ZNF423: variants seen among roughly 807,000 people sequenced by gnomAD.
ZNF423 encodes the protein zinc finger protein 423.
Under a neutral mutation model 95.8 loss-of-function variants are expected in ZNF423, and 12 were observed. That is an observed-to-expected ratio of 0.13 (90% CI 0.08 to 0.20). The LOEUF (loss-of-function observed/expected upper bound fraction) is 0.20. Ranked by LOEUF, ZNF423 falls within the 10% of genes least tolerant of loss-of-function variation. The probability of loss-of-function intolerance (pLI) is 1.00; values close to 1 mark genes in which losing one functional copy is unlikely to be tolerated. For synonymous variants in ZNF423, 749 were observed against 711.9 expected (o/e 1.05, Z -0.83); for missense variants, 1,316 against 1,737.1 (o/e 0.76, Z 4.31).
chr16:49,610,352 A>C (rs1461929099), intron 5 of ZNF423, among the ~76,000 whole-genome samples: 1 of 152,188 alleles, frequency 6.6e-6, no homozygotes, highest in Non-Finnish European at 1.5e-5. Flanking sequence ...TGTCTGATGT[A>C]GTACTAAATA....
At chr16:49,738,866 G>C (rs1012305132) in intron 2 of ZNF423, among the ~76,000 whole-genome samples, 1 of 152,064 alleles carries the variant, frequency 6.6e-6, no homozygotes, top group Non-Finnish European at 1.5e-5. Context: ...CCACATTCTA[G>C]GCATATCCAG....
intron 3 of ZNF423, among the ~76,000 whole-genome samples, chr16:49,687,342 T>C (rs2031604085): frequency 6.6e-6 from 1 of 152,110 alleles, no homozygotes; most frequent in Admixed American, 6.5e-5. Context: ...CTAGTAATTT[T>C]CATTCAGTTG....
intron 3 of ZNF423, among the ~76,000 whole-genome samples, chr16:49,728,311 T>C (rs889155867): frequency 6.6e-6 from 1 of 152,218 alleles, no homozygotes; most frequent in African/African-American, 2.4e-5. Context: ...TATCCCAGGC[T>C]GGGTCATGCC....
intron 7 of ZNF423, chr16:49,518,688 CCAGAATGTCATGTCAATAAAACCATA>C (rs1968260809): frequency 5.6e-6 from 2 of 356,188 alleles, no homozygotes; most frequent in East Asian, 1.5e-4. Flanking sequence ...TTACCTTTTT[CCAGAATGTCATGTCAATAAAACCATA>C]CAGCATGGAA....
chr16:49,633,453 GC>G (rs901524408), intron 4 of ZNF423, among the ~76,000 whole-genome samples: 4 of 152,092 alleles, frequency 2.6e-5, no homozygotes, highest in East Asian at 3.9e-4. Flanking sequence ...AACCAGAGAG[GC>G]CCCCCAGTTT....
intron 2 of ZNF423, among the ~76,000 whole-genome samples, chr16:49,759,091 A>ATAAT (rs1192742245): frequency 6.6e-6 from 1 of 152,240 alleles, no homozygotes; most frequent in Non-Finnish European, 1.5e-5. Flanking sequence ...TTTTAAAAAA[A>ATAAT]TAATAAAAGG....
At chr16:49,731,386 A>G in intron 2 of ZNF423, 8 of 985,404 alleles carry the variant, frequency 8.1e-6, no homozygotes, top group Non-Finnish European at 9.6e-6. Context: ...GAGATCTCTT[A>G]GCCAAGTTCG....
chr16:49,491,432 C>G (rs1355794657), intron 7 of ZNF423, 128 bp from the exon 8 acceptor site: 2 of 1,241,122 alleles, frequency 1.6e-6, no homozygotes, highest in Admixed American at 3.6e-5. Context: ...CAAAATGCAA[C>G]AAGGAAAAAG....
chr16:49,521,310 G>A (rs763661569), intron 7 of ZNF423, among the ~76,000 whole-genome samples: 2 of 152,228 alleles, frequency 1.3e-5, no homozygotes, highest in Non-Finnish European at 2.9e-5. Flanking sequence ...TAGTTTATAT[G>A]CACTCACGGG....
chr16:49,561,787 C>A (rs529792091), intron 5 of ZNF423, among the ~76,000 whole-genome samples: 1 of 152,242 alleles, frequency 6.6e-6, no homozygotes, highest in East Asian at 1.9e-4. Context: ...ATCCATGCAG[C>A]ACTTGCTGAA....
chr16:49,746,918 C>T (rs550265466), intron 2 of ZNF423, among the ~76,000 whole-genome samples: 5 of 152,334 alleles, frequency 3.3e-5, no homozygotes, highest in African/African-American at 1.2e-4. Flanking sequence ...AGCATCCTGA[C>T]CTTTCCCTGA....
At chr16:49,767,642 A>G (rs1396218026) in intron 2 of ZNF423, among the ~76,000 whole-genome samples, 10 of 152,218 alleles carry the variant, frequency 6.6e-5, no homozygotes, top group Admixed American at 5.9e-4. Flanking sequence ...TCACACAGCA[A>G]GTTCCCACTG....
intron 2 of ZNF423, among the ~76,000 whole-genome samples, chr16:49,768,244 G>A (rs1460626265): frequency 6.6e-6 from 1 of 152,176 alleles, no homozygotes; most frequent in Non-Finnish European, 1.5e-5. Flanking sequence ...CGGGAACGGG[G>A]GCGCGGCGCG....
rs756747278 is a variant in ZNF423, at chr16:49,638,868, T to A, written c.308A>T (p.Asp103Val). 68 of 1,602,948 alleles carry A rather than the reference T, an allele frequency of 4.2e-5. No individual in the cohort carries two copies. The highest frequency in any genetic ancestry group is 4.5e-5 in the Non-Finnish European group (53 of 1,173,218). The change falls in exon 4 of 8, where the codon GAT becomes GTT. Residue 103 changes from aspartate to valine, a missense_variant. Physicochemically the swap from Asp to Val is radical, Grantham distance 152. Around this residue, in one of 6 missense-constraint regions of ZNF423, gnomAD observed 155 missense variants for 170.8 expected, o/e 0.91. Transcript: ENST00000563137. The surrounding 1 kb of genome is among the most constrained non-coding windows in gnomAD (Gnocchi z 5.6). Reference protein sequence around the residue: ...HRAHRCPGDGDDDPQLSWVAS... With the variant: ...HRAHRCPGDGVDDPQLSWVAS... ...CACCCAGGAGAGTTGTGGGTCGTCA[T>A]CACCATCTGCAAGAGAAGGCAGAGA...
intron 5 of ZNF423, among the ~76,000 whole-genome samples, chr16:49,556,734 G>A (rs767135732): frequency 6.6e-6 from 1 of 152,180 alleles, no homozygotes; most frequent in Non-Finnish European, 1.5e-5. Context: ...TAAATGCCTC[G>A]TGTACTTATA....
At chr16:49,536,113 A>C (rs1277433298) in intron 5 of ZNF423, among the ~76,000 whole-genome samples, 2 of 152,236 alleles carry the variant, frequency 1.3e-5, no homozygotes, top group Non-Finnish European at 2.9e-5. Flanking sequence ...GGGCACACAC[A>C]AACACAACAC....
chr16:49,492,864 G>C lies in ZNF423; in HGVS notation c.3850-1560C>G, dbSNP rs1967025998. Among the ~76,000 whole-genome samples, 1 of 152,150 alleles carries C rather than the reference G, an allele frequency of 6.6e-6. No individual in the cohort carries two copies. The highest frequency in any genetic ancestry group is 1.5e-5 in the Non-Finnish European group (1 of 68,006). On this transcript the variant is annotated intron_variant, in intron 7 of 7. Transcript: ENST00000563137. This position sits in a 1 kb window ranked among gnomAD's most constrained non-coding sequence, Gnocchi z 4.2. ...CAAGGTCACCCAGGTTGGAAGCACC[G>C]GGCACTGAACCAGATGGCTGGAATC...
In ZNF423 at chr16:49,615,128, T is replaced by TCACACACACACACA. The variant is rs557190259; in HGVS notation, c.3601+11041_3601+11042insTGTGTGTGTGTGTG. On this transcript the variant is annotated intron_variant, in intron 5 of 7. Coordinates refer to ENST00000563137, the MANE Select transcript of ZNF423 (RefSeq NM_001379286.1). ...CCTGGGCAACAAGAAAGAAACTCCA[T>TCACACACACACACA]CTCACACACACACACACACACACAC... Among the ~76,000 whole-genome samples the TCACACACACACACA allele has an allele frequency of 3.5e-3, 348 of 98,506 alleles. 2 individuals carry two copies. The highest frequency in any genetic ancestry group is 0.012 in the African/African-American group (312 of 26,966). The allele number at this position is 98,506 out of a possible 152,430, so 64.6% of individuals were successfully genotyped here. A position where few individuals can be genotyped will look rare whatever the true frequency, so the allele number is the denominator to read the frequency against.
chr16:49,787,344 A>G (rs1210493677), intron 2 of ZNF423, among the ~76,000 whole-genome samples: 1 of 152,094 alleles, frequency 6.6e-6, no homozygotes, highest in Non-Finnish European at 1.5e-5. Flanking sequence ...AAACAAAACA[A>G]TTCCTGGCCT....
Sources: allele counts gnomAD v4.1 joint callset (sites outside exome capture counted in the v4.1 genomes callset), GRCh38; gene constraint gnomAD v4.1.1; regional missense constraint gnomAD v4.1.1; non-coding constraint Gnocchi (gnomAD v3.1); transcripts MANE v1.5; gene names NCBI Gene and HGNC (gene_info 2026-07-23, HGNC 2026-07-21).